The following PAK1IP1 variants were observed in gnomAD, a reference collection of about 807,000 sequenced individuals.
The protein encoded by PAK1IP1 is PAK1 interacting protein 1.
Under a neutral mutation model 42.0 loss-of-function variants are expected in PAK1IP1, and 24 were observed. That is an observed-to-expected ratio of 0.57 (90% CI 0.41 to 0.80). The LOEUF is 0.80. Ranked by LOEUF, PAK1IP1 falls within the 30% of genes least tolerant of loss-of-function variation. PAK1IP1 has a pLI of 0.00. For synonymous variants in PAK1IP1, 154 were observed against 156.7 expected (o/e 0.98, Z 0.13); for missense variants, 411 against 467.9 (o/e 0.88, Z 1.12).
At chr6:10,696,350 C>T (rs906687614) in intron 1 of PAK1IP1, among the ~76,000 whole-genome samples, 2 of 152,212 alleles carry the variant, frequency 1.3e-5, no homozygotes, top group Non-Finnish European at 2.9e-5. Context: ...GGAGTATCTT[C>T]TGTAACTAAG....
At chr6:10,702,053 G>A (rs914588349) in intron 2 of PAK1IP1, among the ~76,000 whole-genome samples, 2 of 152,054 alleles carry the variant, frequency 1.3e-5, no homozygotes, top group African/African-American at 4.8e-5. Flanking sequence ...TGGGCAACAT[G>A]GCATGGTGAA....
At chr6:10,692,181 G>A (rs1769375604), upstream of PAK1IP1, among the ~76,000 whole-genome samples, 3 of 152,126 alleles carry the variant, frequency 2.0e-5, no homozygotes, top group African/African-American at 7.2e-5. Flanking sequence ...GTGGATGAGG[G>A]TGTAACACTT....
intron 5 of PAK1IP1, 111 bp downstream of exon 5, chr6:10,703,568 C>CA (rs1770104016): frequency 1.5e-6 from 1 of 681,240 alleles, no homozygotes. Flanking sequence ...GTAGAAAATT[C>CA]AACACCTTAC....
chr6:10,702,646 C>T lies in PAK1IP1; in HGVS notation c.443+7C>T. The T allele has an allele frequency of 1.3e-6, 2 of 1,582,190 alleles. No individual in the cohort carries two copies. The highest frequency in any genetic ancestry group is 3.3e-4 in the Middle Eastern group (2 of 6,014). Reference sequence around the variant, plus strand: ...GTACAGATAAAACTTTAAGGTAAGTCATTAATGCTCAAGAGCATTTATCTA... The same window carrying T: ...GTACAGATAAAACTTTAAGGTAAGTTATTAATGCTCAAGAGCATTTATCTA... On this transcript the variant is annotated splice_region_variant and intron_variant, in intron 4 of 9. Transcript: ENST00000379568.
rs548226729 is a variant in PAK1IP1 at position 10,702,592 on chromosome 6, C to A, written c.396C>A (p.His132Gln). 3.7e-6 allele frequency: 6 copies of A among 1,613,738 alleles called. No individual in the cohort carries two copies. Among genetic ancestry groups the A allele is most frequent in the Admixed American group, 1.7e-5 (1 of 59,996 alleles). ...HKGQVTFLSI[H>Q]PSGKLALSVG... ...GACAGGTGACCTTCCTTTCTATTCA[C>A]CCATCTGGCAAGTTGGCCCTGTCGG... is the stretch of plus-strand genomic sequence containing the variant. The change falls in exon 4 of 10, where the codon CAC (histidine) becomes CAA (glutamine). Residue 132 changes from histidine (H) to glutamine (Q), a missense_variant. Transcript: ENST00000379568.
At chr6:10,702,278 T>G in intron 2 of PAK1IP1, 91 bp from the exon 3 acceptor site, 3 of 1,000,646 alleles carry the variant, frequency 3.0e-6, no homozygotes, top group South Asian at 1.5e-5. Context: ...AGGTATTGAG[T>G]GTTTTACTTA....
In PAK1IP1 at chr6:10,704,779, A is replaced by C. The variant is rs140700370; in HGVS notation, c.675A>C (p.Glu225Asp). The C allele has an allele frequency of 1.2e-6, 2 of 1,613,710 alleles. No individual in the cohort carries two copies. Among genetic ancestry groups the C allele is most frequent in the East Asian group, 2.2e-5 (1 of 44,866 alleles). ...TCCTTGCAGTGGCTGGAGATGAAGA[A>C]GTTATAAGGTTTTTTGACTGTGATT... ...ESVLAVAGDE[E>D]VIRFFDCDSL... Residue 225 changes from glutamate (E) to aspartate (D), a missense_variant, in exon 7 of 10, where the codon GAA (glutamate) becomes GAC (aspartate). Physicochemically the swap from Glu to Asp is conservative, Grantham distance 45 (BLOSUM62 2). Coordinates refer to ENST00000379568, the MANE Select transcript of PAK1IP1 (RefSeq NM_017906.3).
chr6:10,703,478 T>C (rs1561893246), intron 5 of PAK1IP1, 21 bp downstream of exon 5: 7 of 1,559,842 alleles, frequency 4.5e-6, no homozygotes, highest in East Asian at 2.2e-5. Context: ...TTGTTTGAAA[T>C]GCAGGTTGAG....
chr6:10,702,240 C>CAA (rs57502144), intron 2 of PAK1IP1, 129 bp from the exon 3 acceptor site: 1,063 of 570,140 alleles, frequency 1.9e-3, no homozygotes, highest in Non-Finnish European at 2.0e-3. Flanking sequence ...AACCCTGCCT[C>CAA]AAAAAAAAAA....
upstream of PAK1IP1, among the ~76,000 whole-genome samples, chr6:10,691,603 T>A (rs536596610): frequency 6.6e-6 from 1 of 152,084 alleles, no homozygotes; most frequent in Non-Finnish European, 1.5e-5. Context: ...AGTTTTTACT[T>A]CTTCTTTGGA....
At position 10,709,224 on chromosome 6, in the gene PAK1IP1, CT is replaced by C; in HGVS notation, c.965-10del. On this transcript the variant is annotated splice_polypyrimidine_tract_variant and intron_variant, in intron 9 of 9. Transcript: ENST00000379568. ...AACAGTCTTTTTTTAAAAGCACTCT[CT>C]TTTGTGTTTTAGTAAGTAAAGAACA... The C allele has an allele frequency of 6.3e-7, 1 of 1,589,096 alleles. No individual in the cohort carries two copies. The highest frequency in any genetic ancestry group is 8.6e-7 in the Non-Finnish European group (1 of 1,169,518).
Position 10,704,832 on chromosome 6 carries a change from C to T in PAK1IP1, c.728C>T (p.Ala243Val), listed in dbSNP as rs1436731359. The T allele has an allele frequency of 1.2e-6, 2 of 1,603,062 alleles. No individual in the cohort carries two copies. Among genetic ancestry groups the T allele is most frequent in the South Asian group, 1.1e-5 (1 of 90,866 alleles). The change falls in exon 7 of 10, where the codon GCT becomes GTT. Residue 243 changes from alanine to valine, a missense_variant. Coordinates refer to ENST00000379568, the MANE Select transcript of PAK1IP1 (RefSeq NM_017906.3). Reference protein sequence around the residue: ...DSLVCLCEFKAHENRVKDMFS... With the variant: ...DSLVCLCEFKVHENRVKDMFS... ...CTAGTGTGCCTCTGCGAATTTAAAGCTCATGAAAACAGGTATTTTTACCAA... is the reference window on the plus strand; with the variant it reads ...CTAGTGTGCCTCTGCGAATTTAAAGTTCATGAAAACAGGTATTTTTACCAA...
upstream of PAK1IP1, chr6:10,694,764 G>T: frequency 2.0e-6 from 1 of 499,546 alleles, no homozygotes; most frequent in South Asian, 2.5e-5. Context: ...ACCTCCTCAT[G>T]TGGCATCTTT....
upstream of PAK1IP1, chr6:10,694,596 C>G (rs1428567132): frequency 1.7e-5 from 3 of 178,090 alleles, no homozygotes; most frequent in Admixed American, 6.0e-5. Context: ...GCTACAGCCC[C>G]TAAGCAACCG....
In PAK1IP1 at chr6:10,709,036, C is replaced by T; in HGVS notation, c.924C>T (p.Asp308=). ...CLGVWLDKVA[D]MKESLPPAAE... Reference sequence around the variant, plus strand: ...GAGTGTGGCTAGACAAAGTGGCAGACATGAAAGAAAGCCTTCCTCCAGCTG... The same window carrying T: ...GAGTGTGGCTAGACAAAGTGGCAGATATGAAAGAAAGCCTTCCTCCAGCTG... Residue 308 remains aspartate, a synonymous_variant, in exon 9 of 10, where the codon GAC becomes GAT. Coordinates refer to ENST00000379568, the MANE Select transcript of PAK1IP1 (RefSeq NM_017906.3). 6.2e-7 allele frequency: 1 copy of T among 1,613,362 alleles called. No individual in the cohort carries two copies. The highest frequency in any genetic ancestry group is 1.6e-4 in the Middle Eastern group (1 of 6,062).
At chr6:10,691,183 T>C (rs953219547), upstream of PAK1IP1, among the ~76,000 whole-genome samples, 3 of 152,300 alleles carry the variant, frequency 2.0e-5, no homozygotes, top group African/African-American at 7.2e-5. Context: ...CTTACACTAA[T>C]CTTTTTGAAA....
intron 7 of PAK1IP1, among the ~76,000 whole-genome samples, chr6:10,706,160 C>T (rs1475094127): frequency 6.6e-6 from 1 of 151,870 alleles, no homozygotes; most frequent in Admixed American, 6.6e-5. Flanking sequence ...TAAAGATTAA[C>T]AAGGGTAATT....
chr6:10,702,893 G>A (rs552356966), intron 4 of PAK1IP1, among the ~76,000 whole-genome samples: 26 of 151,984 alleles, frequency 1.7e-4, no homozygotes, highest in African/African-American at 5.3e-4. Flanking sequence ...TGCAAGCTCC[G>A]CCTCCCAGGT....
rs781512765 is a variant in PAK1IP1, at chr6:10,702,385, G to C, written c.264G>C (p.Leu88=). 2.5e-6 allele frequency: 4 copies of C among 1,613,746 alleles called. No individual in the cohort carries two copies. In the East Asian group the frequency reaches 8.9e-5, roughly 36 times the overall value. The part of the protein sequence containing the change: ...LVHHSGTITC[L]KFYGNRHLIS... The stretch of plus-strand genomic sequence containing the variant: ...TTTCCATAGGTACAATAACTTGCCT[G>C]AAATTCTATGGCAACAGGCATTTAA... Residue 88 remains leucine (L), a synonymous_variant, in exon 3 of 10, where the codon CTG becomes CTC. Coordinates refer to ENST00000379568, the MANE Select transcript of PAK1IP1 (RefSeq NM_017906.3).
Sources: allele counts gnomAD v4.1 joint callset (sites outside exome capture counted in the v4.1 genomes callset), GRCh38; gene constraint gnomAD v4.1.1; transcripts MANE v1.5; gene names NCBI Gene and HGNC (gene_info 2026-07-23, HGNC 2026-07-21).